BRD4: variants seen among roughly 807,000 people sequenced by gnomAD.
BRD4 encodes bromodomain-containing protein 4.
In BRD4, 16 loss-of-function variants were observed where a neutral mutation model predicts 142.1. The observed-to-expected ratio is 0.11, with a 90% confidence interval of 0.08 to 0.17. The LOEUF is 0.17. Ranked by LOEUF, BRD4 falls within the 10% of genes least tolerant of loss-of-function variation. The pLI is 1.00. For synonymous variants in BRD4, 833 were observed against 707.5 expected (o/e 1.18, Z -2.82); for missense variants, 1,424 against 1,810.9 (o/e 0.79, Z 3.88).
Position 15,286,358 on chromosome 19 carries a change from G to A in BRD4, c.-34-13225C>T, listed in dbSNP as rs192350180. ...TTATTAGCACAGAAGACGAGAAAGAGACTTCAGCAGCAGAGACAGGGAAGT... is the reference window on the plus strand; with the variant it reads ...TTATTAGCACAGAAGACGAGAAAGAAACTTCAGCAGCAGAGACAGGGAAGT... On this transcript the variant is annotated intron_variant, in intron 1 of 19. Coordinates refer to ENST00000679869, the MANE Select transcript of BRD4 (RefSeq NM_001379291.1). Among the ~76,000 whole-genome samples, 4 of 152,314 alleles carry A rather than the reference G, an allele frequency of 2.6e-5. No homozygotes were observed. The East Asian group carries it at 7.7e-4, about 29-fold the overall frequency.
At chr19:15,259,695 G>A (rs546102142) in intron 7 of BRD4, among the ~76,000 whole-genome samples, 1 of 152,318 alleles carries the variant, frequency 6.6e-6, no homozygotes, top group South Asian at 2.1e-4. Flanking sequence ...GCTGCTGTAG[G>A]AAAACCTTGC....
At chr19:15,326,793 GCTT>G (rs1314379536) in intron 1 of BRD4, among the ~76,000 whole-genome samples, 1 of 152,168 alleles carries the variant, frequency 6.6e-6, no homozygotes, top group Non-Finnish European at 1.5e-5. Context: ...CTCTTCCTCT[GCTT>G]CTTCAGAGTG....
At chr19:15,298,620 C>CAAAAAAAAAAAAAAA (rs57719337) in intron 1 of BRD4, among the ~76,000 whole-genome samples, 2 of 66,002 alleles carry the variant, frequency 3.0e-5, no homozygotes, top group Non-Finnish European at 5.5e-5. Context: ...GACTCCAACT[C>CAAAAAAAAAAAAAAA]AAAAAAAAAA....
chr19:15,311,925 G>A (rs959554259), intron 1 of BRD4, among the ~76,000 whole-genome samples: 2 of 152,234 alleles, frequency 1.3e-5, no homozygotes, highest in Admixed American at 6.5e-5. Flanking sequence ...CAGGCTGGGA[G>A]AAAGAAGGAA....
intron 1 of BRD4, among the ~76,000 whole-genome samples, chr19:15,299,507 G>T (rs974855213): frequency 5.9e-5 from 9 of 152,182 alleles, no homozygotes; most frequent in Admixed American, 5.2e-4. Context: ...AAGAAGACAG[G>T]TAAGGCCTGG....
Position 15,244,721 on chromosome 19 carries a change from C to T in BRD4, c.2200G>A (p.Glu734Lys). ...CTGAGCCCATGTACCTTCTTCTGCT[C>T]CCTCCCGGGGTGCCCCTTCTTTTTT... ...KSKKKGHPGR[E>K]QKKHHHHHHQ... is the part of the protein sequence containing the mutation. Residue 734 changes from glutamate to lysine, a missense_variant, in exon 12 of 20, where the codon GAG becomes AAG. Physicochemically the swap from Glu to Lys is moderately conservative, Grantham distance 56 (BLOSUM62 1). Coordinates refer to ENST00000679869, the MANE Select transcript of BRD4 (RefSeq NM_001379291.1). 1.9e-6 allele frequency: 3 copies of T among 1,614,176 alleles called. No homozygotes were observed. Among genetic ancestry groups the T allele is most frequent in the African/African-American group, 1.3e-5 (1 of 75,044 alleles).
At chr19:15,263,690 G>C in intron 6 of BRD4, 142 bp from the exon 7 acceptor site, 1 of 1,058,394 alleles carries the variant, frequency 9.4e-7, no homozygotes, top group Admixed American at 2.2e-5. Context: ...TGGGGGGACA[G>C]GCCATCACCC....
In BRD4 at chr19:15,241,693, G is replaced by A. The variant is rs576084025; in HGVS notation, c.3169+1207C>T. On this transcript the variant is annotated intron_variant, in intron 14 of 19. Transcript: ENST00000679869. The stretch of plus-strand genomic sequence containing the variant: ...CCCAACAGGAGTCCAGCCCTGCTTC[G>A]CATGAGAACAGGCACAGCCGCACAG... Among the ~76,000 whole-genome samples, 85 of 152,094 alleles carry A rather than the reference G, an allele frequency of 5.6e-4. No individual in the cohort carries two copies. The Middle Eastern group carries it at 0.024, about 43-fold the overall frequency.
chr19:15,277,566 T>C (rs1414658567), intron 1 of BRD4, among the ~76,000 whole-genome samples: 2 of 140,798 alleles, frequency 1.4e-5, no homozygotes, highest in African/African-American at 5.5e-5. Context: ...TGGATCACCT[T>C]AAGTCTGGAA....
rs1050883380 is a variant in BRD4 at position 15,297,764 on chromosome 19, G to C, written c.-34-24631C>G. 7.9e-5 allele frequency among the ~76,000 whole-genome samples: 12 copies of C among 152,282 alleles called. No individual in the cohort carries two copies. In the East Asian group the frequency reaches 2.1e-3, roughly 27 times the overall value. ...TCCTCACTTCCTCTGTATGAAGCCAGCCTTCGTCACAGCAGATGATGTAAG... is the reference window on the plus strand; with the variant it reads ...TCCTCACTTCCTCTGTATGAAGCCACCCTTCGTCACAGCAGATGATGTAAG... On this transcript the variant is annotated intron_variant, in intron 1 of 19. Coordinates refer to ENST00000679869, the MANE Select transcript of BRD4 (RefSeq NM_001379291.1).
At chr19:15,276,143 C>T (rs2047644350) in intron 1 of BRD4, among the ~76,000 whole-genome samples, 1 of 152,240 alleles carries the variant, frequency 6.6e-6, no homozygotes, top group Admixed American at 6.5e-5. Context: ...ATGCCCACAG[C>T]CTTCCCATGA....
Position 15,239,064 on chromosome 19 carries a change from G to T in BRD4, c.3777C>A (p.Arg1259=), listed in dbSNP as rs1480497960. Reference sequence around the variant, plus strand: ...CCACCCAGACACCCGCCCACCTCATGCGCTCCTGCCGCAGCCGCTCCTTCT... The same window carrying T: ...CCACCCAGACACCCGCCCACCTCATTCGCTCCTGCCGCAGCCGCTCCTTCT... ...EKEKERLRQE[R]MRSREDEDAL... The change falls in exon 18 of 20, where the codon CGC becomes CGA. Residue 1259 remains arginine (R), a synonymous_variant. Transcript: ENST00000679869. The surrounding 1 kb of genome is among the most constrained non-coding windows in gnomAD (Gnocchi z 7.4). The T allele has an allele frequency of 4.4e-6, 7 of 1,591,284 alleles. No individual in the cohort carries two copies. In the African/African-American group the frequency reaches 5.4e-5, roughly 12 times the overall value.
chr19:15,292,537 GGGAGGCCGAGGCGGGCGGATCAC>G (rs2047789777), intron 1 of BRD4, among the ~76,000 whole-genome samples: 1 of 152,124 alleles, frequency 6.6e-6, no homozygotes, highest in Admixed American at 6.5e-5. Context: ...CCAACACTCT[GGGAGGCCGAGGCGGGCGGATCAC>G]GAGGTCAGGA....
At chr19:15,309,461 A>G (rs2047947592) in intron 1 of BRD4, among the ~76,000 whole-genome samples, 1 of 152,174 alleles carries the variant, frequency 6.6e-6, no homozygotes, top group Non-Finnish European at 1.5e-5. Context: ...GAACCCTCAT[A>G]TGTCCAGCAA....
intron 11 of BRD4, chr19:15,252,917 C>A (rs2047363011): frequency 5.5e-6 from 1 of 181,122 alleles, no homozygotes; most frequent in Admixed American, 6.3e-5. Context: ...CACCTCAGAG[C>A]AACATGGCTC....
intron 1 of BRD4, among the ~76,000 whole-genome samples, chr19:15,309,276 TGAGCA>T (rs1325732269): frequency 3.0e-5 from 4 of 135,440 alleles, no homozygotes; most frequent in Non-Finnish European, 3.0e-5. Flanking sequence ...GAGCTTGCAG[TGAGCA>T]GAGCAGAGAT....
intron 1 of BRD4, among the ~76,000 whole-genome samples, chr19:15,288,231 G>A (rs963830773): frequency 6.6e-6 from 1 of 152,142 alleles, no homozygotes; most frequent in Non-Finnish European, 1.5e-5. Context: ...CTTTCAAAGA[G>A]AATGCCCTTA....
At chr19:15,242,174 GCAGGCAGCACCCGGTACACACCCAAGA>G (rs1234877928) in intron 14 of BRD4, among the ~76,000 whole-genome samples, 4 of 152,060 alleles carry the variant, frequency 2.6e-5, no homozygotes, top group Non-Finnish European at 5.9e-5. Flanking sequence ...TGCTTGATTT[GCAGGCAGCACCCGGTACACACCCAAGA>G]CAGGCAGCAC....
intron 1 of BRD4, among the ~76,000 whole-genome samples, chr19:15,321,045 C>T (rs1412866705): frequency 3.9e-5 from 6 of 152,110 alleles, no homozygotes; most frequent in South Asian, 2.1e-4. Flanking sequence ...ACCAGCCTGG[C>T]CAACGGGGTG....
Sources: allele counts gnomAD v4.1 joint callset (sites outside exome capture counted in the v4.1 genomes callset), GRCh38; gene constraint gnomAD v4.1.1; non-coding constraint Gnocchi (gnomAD v3.1); transcripts MANE v1.5; gene names NCBI Gene and HGNC (gene_info 2026-07-23, HGNC 2026-07-21).